The following DOCK2 variants were observed in gnomAD, a reference collection of about 807,000 sequenced individuals.
The protein encoded by DOCK2 is dedicator of cytokinesis protein 2.
Under a neutral mutation model 248.9 loss-of-function variants are expected in DOCK2, and 87 were observed. The ratio of observed to expected loss-of-function variants is 0.35; its 90% CI spans 0.29 to 0.42. The LOEUF (loss-of-function observed/expected upper bound fraction) is 0.42, where lower values mean the gene tolerates loss of function less well. Ranked by LOEUF, DOCK2 falls within the 10% of genes least tolerant of loss-of-function variation. The pLI is 1.00. For synonymous variants in DOCK2, 805 were observed against 821.6 expected, an observed-to-expected ratio of 0.98 and a Z score of 0.35; for missense variants, 1,747 against 2,300.2, an observed-to-expected ratio of 0.76 and a Z score of 4.92.
At chr5:170,005,184 T>C (rs1224658087) in intron 30 of DOCK2, among the ~76,000 whole-genome samples, 1 of 152,114 alleles carries the variant, frequency 6.6e-6, no homozygotes, top group Non-Finnish European at 1.5e-5. Flanking sequence ...ATGTCACCTA[T>C]ATGAACTGTC....
chr5:170,041,247 A>G (rs1299864752), intron 37 of DOCK2, 102 bp downstream of exon 37: 1 of 1,102,418 alleles, frequency 9.1e-7, no homozygotes, highest in South Asian at 1.3e-5. Context: ...GAATCCAAAT[A>G]TTTTGTTTTG....
At chr5:169,796,052 G>T (rs1561703836) in intron 25 of DOCK2, among the ~76,000 whole-genome samples, 1 of 152,226 alleles carries the variant, frequency 6.6e-6, no homozygotes, top group Non-Finnish European at 1.5e-5. Context: ...TCTGGGGCTG[G>T]TTATGAGTGG....
chr5:169,882,994 A>G, intron 27 of DOCK2: 1 of 1,551,636 alleles, frequency 6.4e-7, no homozygotes, highest in Non-Finnish European at 8.7e-7. Context: ...AGATGAAGGA[A>G]CACACGTTTC....
intron 1 of DOCK2, among the ~76,000 whole-genome samples, chr5:169,652,652 C>G (rs1757870323): frequency 6.6e-6 from 1 of 152,180 alleles, no homozygotes; most frequent in African/African-American, 2.4e-5. Context: ...AGTGGCAGAG[C>G]TGGGGTTCCT....
intron 26 of DOCK2, among the ~76,000 whole-genome samples, chr5:169,823,323 A>T (rs533153712): frequency 6.6e-6 from 1 of 152,350 alleles, no homozygotes; most frequent in South Asian, 2.1e-4. Context: ...ACCAAAAAAG[A>T]AAATTTTAAA....
rs577395351 is a variant in DOCK2 at position 169,956,039 on chromosome 5, G to GAAAA, written c.2800-27018_2800-27015dup. Among the ~76,000 whole-genome samples, 1,071 of 132,860 alleles carry GAAAA rather than the reference G, an allele frequency of 8.1e-3. 49 individuals carry two copies. In the East Asian group the frequency reaches 0.13, roughly 17 times the overall value. The allele number at this position is 132,860 out of a possible 152,430, so 87.2% of individuals were successfully genotyped here. On this transcript the variant is annotated intron_variant, in intron 27 of 51. Transcript: ENST00000520908. ...TCAAATGTGGGGGAGACATAGATTT[G>GAAAA]AAAAAAAAAAAAAAGAGCCCAGGCT...
chr5:169,639,535 T>C (rs1757034005), intron 1 of DOCK2, among the ~76,000 whole-genome samples: 2 of 152,230 alleles, frequency 1.3e-5, no homozygotes, highest in Admixed American at 1.3e-4. Context: ...CACTGTATCC[T>C]TGGCATGTGA....
At chr5:169,642,165 A>G (rs1757188334) in intron 1 of DOCK2, among the ~76,000 whole-genome samples, 1 of 152,218 alleles carries the variant, frequency 6.6e-6, no homozygotes, top group South Asian at 2.1e-4. Flanking sequence ...TTTATTGCCA[A>G]ATGCAACAGT....
chr5:169,872,145 C>A (rs1772018823), intron 27 of DOCK2, among the ~76,000 whole-genome samples: 1 of 152,232 alleles, frequency 6.6e-6, no homozygotes, highest in Non-Finnish European at 1.5e-5. Flanking sequence ...TCCACTTCTT[C>A]TTCATCTCTT....
chr5:169,780,503 T>A (rs1208417929), intron 25 of DOCK2, among the ~76,000 whole-genome samples: 1 of 152,140 alleles, frequency 6.6e-6, no homozygotes, highest in Non-Finnish European at 1.5e-5. Context: ...ATTTGTTTCA[T>A]CATAAGCCAA....
intron 32 of DOCK2, among the ~76,000 whole-genome samples, chr5:170,013,352 A>G (rs1366888033): frequency 6.6e-6 from 1 of 152,130 alleles, no homozygotes; most frequent in Non-Finnish European, 1.5e-5. Flanking sequence ...AACCTGTGGA[A>G]TATGTTACCT....
At chr5:169,931,121 A>G (rs1187058726) in intron 27 of DOCK2, among the ~76,000 whole-genome samples, 1 of 152,202 alleles carries the variant, frequency 6.6e-6, no homozygotes, top group African/African-American at 2.4e-5. Flanking sequence ...TAATGATGCT[A>G]CTAACACCCT....
intron 27 of DOCK2, among the ~76,000 whole-genome samples, chr5:169,865,382 C>A (rs1444806003): frequency 6.6e-6 from 1 of 152,132 alleles, no homozygotes. Flanking sequence ...TGTCTGTGAC[C>A]TCTGCATGTC....
At chr5:169,797,167 G>C (rs144348017) in intron 25 of DOCK2, among the ~76,000 whole-genome samples, 448 of 152,290 alleles carry the variant, frequency 2.9e-3, no homozygotes, top group Non-Finnish European at 2.9e-3. Flanking sequence ...TGTGTGACTG[G>C]GGGTGTCCTC....
intron 27 of DOCK2, among the ~76,000 whole-genome samples, chr5:169,919,824 T>C (rs935060229): frequency 2.4e-4 from 36 of 152,214 alleles, no homozygotes; most frequent in Admixed American, 2.4e-3. Context: ...GATCAGGACC[T>C]GAAGTTAAAT....
intron 46 of DOCK2, among the ~76,000 whole-genome samples, chr5:170,069,610 C>A (rs570743373): frequency 8.3e-4 from 127 of 152,286 alleles, no homozygotes; most frequent in Admixed American, 2.3e-3. Context: ...TGAGCCCCTA[C>A]TCCCACTTCT....
Position 169,956,875 on chromosome 5 carries a change from G to A in DOCK2, c.2800-26193G>A, listed in dbSNP as rs76271069. Among the ~76,000 whole-genome samples, 1,223 of 152,256 alleles carry A rather than the reference G, an allele frequency of 8.0e-3. 63 individuals carry two copies. The East Asian group carries it at 0.13, about 17-fold the overall frequency. ...GGAATGCATCAAATATAAGGAAAAT[G>A]TGTAGGATGTTTCTGTATTGGCCAA... On this transcript the variant is annotated intron_variant, in intron 27 of 51. Transcript: ENST00000520908.
intron 8 of DOCK2, among the ~76,000 whole-genome samples, chr5:169,688,205 C>T (rs1348010249): frequency 6.6e-6 from 1 of 152,226 alleles, no homozygotes; most frequent in East Asian, 1.9e-4. Flanking sequence ...GGATTACAGG[C>T]ATGAGCCACT....
chr5:170,077,552 C>T (rs996567192), intron 47 of DOCK2, among the ~76,000 whole-genome samples, 158 bp from the exon 48 acceptor site: 1 of 152,198 alleles, frequency 6.6e-6, no homozygotes, highest in Admixed American at 6.5e-5. Flanking sequence ...CTTCATTCTA[C>T]AAGAACGCCC....
Sources: allele counts gnomAD v4.1 joint callset (sites outside exome capture counted in the v4.1 genomes callset), GRCh38; gene constraint gnomAD v4.1.1; transcripts MANE v1.5; gene names NCBI Gene and HGNC (gene_info 2026-07-23, HGNC 2026-07-21).